Variants in PTK2 observed in about 807,000 individuals in gnomAD.
PTK2 encodes the protein focal adhesion kinase 1.
In PTK2, 45 loss-of-function variants were observed where a neutral mutation model predicts 150.1. The ratio of observed to expected loss-of-function variants is 0.30; its 90% CI spans 0.24 to 0.38. The LOEUF is 0.38. Among genes scored for constraint, PTK2 ranks in the 10% least tolerant of loss-of-function variants. The pLI is 1.00. For synonymous variants in PTK2, 432 were observed against 449.2 expected, an observed-to-expected ratio of 0.96 and a Z score of 0.48; for missense variants, 919 against 1,307.3, an observed-to-expected ratio of 0.70 and a Z score of 4.58.
chr8:140,729,240 G>A (rs990634366), intron 22 of PTK2, among the ~76,000 whole-genome samples: 2 of 152,056 alleles, frequency 1.3e-5, no homozygotes, highest in Admixed American at 1.3e-4. Flanking sequence ...AAACACGCAC[G>A]CACAAAATCA....
chr8:140,783,067 C>T lies in PTK2; in HGVS notation c.1177+6407G>A, dbSNP rs141193280. On this transcript the variant is annotated intron_variant, in intron 14 of 31. Transcript: ENST00000522684. ...CAGCCTGGGCAACATAGGGAGACCC[C>T]GTCTCTACAAAAAAAATACAAAAAT... Among the ~76,000 whole-genome samples, 941 of 151,906 alleles carry T rather than the reference C, an allele frequency of 6.2e-3. 13 individuals carry two copies. The highest frequency in any genetic ancestry group is 0.021 in the African/African-American group (862 of 41,446).
intron 10 of PTK2, among the ~76,000 whole-genome samples, chr8:140,808,980 G>C (rs2100099835): frequency 1.3e-5 from 2 of 152,132 alleles, no homozygotes; most frequent in South Asian, 4.2e-4. Context: ...TGATCCACCT[G>C]CCTCAGCCTT....
chr8:140,726,824 AGAGT>A (rs1035730863), intron 22 of PTK2, among the ~76,000 whole-genome samples: 1 of 152,216 alleles, frequency 6.6e-6, no homozygotes, highest in African/African-American at 2.4e-5. Flanking sequence ...TAAATATAGA[AGAGT>A]GAGTTTGCTT....
intron 1 of PTK2, chr8:140,940,787 G>A (rs1338651827): frequency 6.6e-6 from 1 of 152,264 alleles, no homozygotes; most frequent in East Asian, 1.9e-4. Flanking sequence ...GACCAGCCTG[G>A]ACAACATGGT....
intron 2 of PTK2, among the ~76,000 whole-genome samples, chr8:140,906,087 T>A (rs937667202): frequency 1.7e-5 from 2 of 118,218 alleles, no homozygotes; most frequent in Non-Finnish European, 4.3e-5. Context: ...ATAGAAGACA[T>A]ACAAAAGGCC....
chr8:140,996,582 G>C (rs778174379), intron 1 of PTK2, among the ~76,000 whole-genome samples: 9 of 152,156 alleles, frequency 5.9e-5, no homozygotes, highest in Non-Finnish European at 1.3e-4. Flanking sequence ...GCCAATGCTC[G>C]TTTCCCATTC....
chr8:141,000,087 T>TCTCA (rs765058833), intron 1 of PTK2, among the ~76,000 whole-genome samples: 4 of 81,608 alleles, frequency 4.9e-5, no homozygotes, highest in Admixed American at 1.3e-4. Flanking sequence ...TGAAACCAAT[T>TCTCA]CACACACACA....
intron 1 of PTK2, among the ~76,000 whole-genome samples, chr8:140,939,114 C>T (rs564402452): frequency 1.3e-5 from 2 of 152,254 alleles, no homozygotes; most frequent in East Asian, 3.9e-4. Context: ...ACAAAGGATA[C>T]ATCTTCTTCA....
intron 1 of PTK2, among the ~76,000 whole-genome samples, chr8:140,927,028 C>A (rs1003146611): frequency 6.6e-6 from 1 of 152,132 alleles, no homozygotes; most frequent in African/African-American, 2.4e-5. Flanking sequence ...TTCTTAAAGG[C>A]TCCTGAAATC....
chr8:140,934,271 A>C (rs1029362874), intron 1 of PTK2, among the ~76,000 whole-genome samples: 1 of 152,110 alleles, frequency 6.6e-6, no homozygotes, highest in African/African-American at 2.4e-5. Context: ...CACTGGGGTC[A>C]GTGTCATGCG....
intron 31 of PTK2, among the ~76,000 whole-genome samples, chr8:140,664,261 C>G (rs545452645): frequency 6.6e-6 from 1 of 152,166 alleles, no homozygotes; most frequent in South Asian, 2.1e-4. Context: ...AGATTACAGG[C>G]GTGAGCCACT....
At chr8:140,681,559 C>G (rs1214825201) in intron 27 of PTK2, among the ~76,000 whole-genome samples, 9 of 152,080 alleles carry the variant, frequency 5.9e-5, no homozygotes, top group East Asian at 1.9e-4. Context: ...GGGGGGATCA[C>G]GAAGTCAGGA....
At chr8:140,818,134 GT>G in intron 10 of PTK2, 142 bp downstream of exon 10, 2 of 702,994 alleles carry the variant, frequency 2.8e-6, no homozygotes, top group Non-Finnish European at 2.4e-6. Flanking sequence ...TCTCTTACTT[GT>G]CCCCCACTCC....
At position 140,792,319 on chromosome 8, in the gene PTK2, C is replaced by T. The variant is rs536022732; in HGVS notation, c.1124+1035G>A. Among the ~76,000 whole-genome samples, 260 of 152,348 alleles carry T rather than the reference C, an allele frequency of 1.7e-3. 2 individuals are homozygous for T. The highest frequency in any genetic ancestry group is 6.8e-3 in the Middle Eastern group (2 of 294). ...AAGAACCCTCAATAAAAACCCTAGGCACCAAGTCTCTAATGAGCTTTCTCA... is the reference window on the plus strand; with the variant it reads ...AAGAACCCTCAATAAAAACCCTAGGTACCAAGTCTCTAATGAGCTTTCTCA... On this transcript the variant is annotated intron_variant, in intron 13 of 31. Coordinates refer to ENST00000522684, the Ensembl canonical transcript of PTK2.
intron 2 of PTK2, among the ~76,000 whole-genome samples, chr8:140,913,162 A>G (rs1350909781): frequency 6.6e-6 from 1 of 152,226 alleles, no homozygotes; most frequent in Non-Finnish European, 1.5e-5. Flanking sequence ...ATTTGCCAGT[A>G]ACACATTAAC....
intron 23 of PTK2, among the ~76,000 whole-genome samples, chr8:140,716,910 A>G (rs1434775982): frequency 1.3e-5 from 2 of 152,184 alleles, no homozygotes; most frequent in Non-Finnish European, 1.5e-5. Context: ...ATAAAGACTT[A>G]TTAATCTAGG....
chr8:140,940,641 G>C (rs962770141), intron 1 of PTK2: 3 of 152,226 alleles, frequency 2.0e-5, no homozygotes, highest in Non-Finnish European at 1.5e-5. Flanking sequence ...GAGGCTGCCT[G>C]AAAATACTGG....
intron 8 of PTK2, among the ~76,000 whole-genome samples, chr8:140,822,623 C>T (rs766954071): frequency 7.9e-5 from 12 of 152,138 alleles, no homozygotes; most frequent in Non-Finnish European, 1.8e-4. Flanking sequence ...AGATGCTCTG[C>T]TTGATAGAAG....
At chr8:140,814,497 G>A (rs1462499362) in intron 10 of PTK2, among the ~76,000 whole-genome samples, 1 of 152,098 alleles carries the variant, frequency 6.6e-6, no homozygotes, top group Non-Finnish European at 1.5e-5. Flanking sequence ...GCAAGGCTGG[G>A]TCAACATATG....
Sources: allele counts gnomAD v4.1 joint callset (sites outside exome capture counted in the v4.1 genomes callset), GRCh38; gene constraint gnomAD v4.1.1; transcripts MANE v1.5; gene names NCBI Gene and HGNC (gene_info 2026-07-23, HGNC 2026-07-21).